The following DIXDC1 variants were observed in gnomAD, a reference collection of about 807,000 sequenced individuals.
DIXDC1 encodes the protein dixin.
A neutral mutation model predicts 103.1 loss-of-function variants in DIXDC1; 64 were observed. The ratio of observed to expected loss-of-function variants is 0.62; its 90% CI spans 0.51 to 0.76. The LOEUF is 0.76. Among genes scored for constraint, DIXDC1 ranks in the 30% least tolerant of loss-of-function variants. DIXDC1 has a pLI of 0.00. For synonymous variants in DIXDC1, 266 were observed against 298.5 expected (o/e 0.89, Z 1.12); for missense variants, 759 against 834.2 (o/e 0.91, Z 1.11).
At chr11:111,972,376 G>A (rs1296238455) in intron 3 of DIXDC1, among the ~76,000 whole-genome samples, 1 of 152,090 alleles carries the variant, frequency 6.6e-6, no homozygotes, top group Non-Finnish European at 1.5e-5. Context: ...CAGCTATTTT[G>A]AGGGAACACT....
intron 3 of DIXDC1, 96 bp from the exon 4 acceptor site, chr11:111,973,927 C>G (rs1438998992): frequency 1.7e-6 from 2 of 1,192,382 alleles, no homozygotes; most frequent in Non-Finnish European, 2.4e-6. Flanking sequence ...TTACCTGTAT[C>G]ACTAGCAATA....
intron 11 of DIXDC1, 93 bp from the exon 12 acceptor site, chr11:111,992,858 A>G: frequency 2.3e-6 from 3 of 1,284,618 alleles, no homozygotes; most frequent in Non-Finnish European, 3.3e-6. Context: ...TGCATACTGT[A>G]ACTGCCAACA....
chr11:111,941,526 T>C (rs782771108), intron 1 of DIXDC1, among the ~76,000 whole-genome samples: 6 of 151,602 alleles, frequency 4.0e-5, no homozygotes, highest in Non-Finnish European at 8.8e-5. Context: ...CTTAGAAATA[T>C]AGGAATAGGC....
At chr11:112,005,088 C>T (rs1484340097) in intron 17 of DIXDC1, among the ~76,000 whole-genome samples, 1 of 152,136 alleles carries the variant, frequency 6.6e-6, no homozygotes, top group Non-Finnish European at 1.5e-5. Context: ...TTTAAAGTAA[C>T]TGATTCATAT....
intron 17 of DIXDC1, among the ~76,000 whole-genome samples, chr11:112,003,651 T>C (rs1224790180): frequency 6.6e-6 from 1 of 150,454 alleles, no homozygotes; most frequent in Non-Finnish European, 1.5e-5. Flanking sequence ...GTACAAAAAT[T>C]AGCCAGGCGT....
chr11:111,959,441 A>C (rs1555170871), intron 1 of DIXDC1, among the ~76,000 whole-genome samples: 1 of 152,222 alleles, frequency 6.6e-6, no homozygotes. Flanking sequence ...CACCTGTGCC[A>C]GTCCCTGGAG....
intron 9 of DIXDC1, among the ~76,000 whole-genome samples, chr11:111,987,988 T>TA (rs1225104887): frequency 2.0e-5 from 3 of 150,996 alleles, no homozygotes; most frequent in Non-Finnish European, 4.4e-5. Context: ...AACTTTTATT[T>TA]ATTTGTTTTG....
chr11:111,950,426 ATATATATATATATTTTTT>A (rs1220147275), intron 1 of DIXDC1, among the ~76,000 whole-genome samples: 12 of 28,866 alleles, frequency 4.2e-4, no homozygotes, highest in African/African-American at 9.2e-4. Flanking sequence ...ATATATATAT[ATATATATATATATTTTTT>A]TTTTTTTTTT....
chr11:112,016,100 G>A (rs1327056859), intron 17 of DIXDC1: 3 of 150,460 alleles, frequency 2.0e-5, no homozygotes, highest in Non-Finnish European at 4.4e-5. Flanking sequence ...GTGAGCCACC[G>A]CGCCCGGCGA....
At chr11:111,951,869 C>CTTTTTT (rs35155467) in intron 1 of DIXDC1, among the ~76,000 whole-genome samples, 2 of 143,312 alleles carry the variant, frequency 1.4e-5, no homozygotes, top group Non-Finnish European at 1.5e-5. Context: ...TCCATTAAAA[C>CTTTTTT]TTTTTTTTTT....
intron 10 of DIXDC1, among the ~76,000 whole-genome samples, chr11:111,990,100 TTTA>T (rs1447725325): frequency 7.1e-6 from 1 of 139,898 alleles, no homozygotes; most frequent in African/African-American, 2.7e-5. Flanking sequence ...TTTTTTTTTT[TTTA>T]ATGTTGACAT....
chr11:111,931,798 A>G (rs1246086947), intron 2 of DIXDC1, among the ~76,000 whole-genome samples: 2 of 152,256 alleles, frequency 1.3e-5, no homozygotes, highest in Non-Finnish European at 2.9e-5. Context: ...GGTCCTTGAT[A>G]GAAATCAGGC....
intron 1 of DIXDC1, among the ~76,000 whole-genome samples, chr11:111,940,121 A>C (rs894322644): frequency 2.0e-4 from 30 of 152,350 alleles, no homozygotes; most frequent in African/African-American, 6.5e-4. Flanking sequence ...AGCAGAGAGA[A>C]ACCCTGCCCT....
rs587595153 is a variant in DIXDC1, at chr11:111,964,647, G to C, written c.159G>C (p.Gly53=). 32 of 1,612,076 alleles carry C rather than the reference G, an allele frequency of 2.0e-5. No homozygotes were observed. Among genetic ancestry groups the C allele is most frequent in the Non-Finnish European group, 2.7e-5 (32 of 1,179,218 alleles). ...ACCTGCGACAAGATCTCCGGGATGG[G>C]GTGATCCTGGCATATCTCATCGAGA... ...VQDLRQDLRD[G]VILAYLIEIV... is the part of the protein sequence containing the mutation. The change falls in exon 2 of 20, where the codon GGG becomes GGC. Residue 53 remains glycine, a synonymous_variant. Transcript: ENST00000440460.
chr11:111,995,012 G>T lies in DIXDC1; in HGVS notation c.1438-7G>T. On this transcript the variant is annotated splice_region_variant and splice_polypyrimidine_tract_variant and intron_variant, in intron 14 of 19. Coordinates refer to ENST00000440460, the MANE Select transcript of DIXDC1 (RefSeq NM_001037954.4). Reference sequence around the variant, plus strand: ...TTAACAAGCAACATTTCTTCATGCTGCTGTAGGCGACCAACTACAACAGTC... The same window carrying T: ...TTAACAAGCAACATTTCTTCATGCTTCTGTAGGCGACCAACTACAACAGTC... The T allele has an allele frequency of 6.2e-7, 1 of 1,612,660 alleles. No individual in the cohort carries two copies.
At chr11:111,975,004 C>T in intron 5 of DIXDC1, 21 bp downstream of exon 5, 1 of 1,602,144 alleles carries the variant, frequency 6.2e-7, no homozygotes, top group South Asian at 1.1e-5. Context: ...CCTCTGAAAC[C>T]TGAATTCTGG....
At chr11:112,014,755 G>A (rs1163217362) in intron 17 of DIXDC1, among the ~76,000 whole-genome samples, 1 of 152,136 alleles carries the variant, frequency 6.6e-6, no homozygotes, top group Non-Finnish European at 1.5e-5. Flanking sequence ...TTGAATGAAT[G>A]AATAAATTAA....
chr11:111,996,575 G>A (rs1860907370), intron 17 of DIXDC1, among the ~76,000 whole-genome samples: 1 of 152,182 alleles, frequency 6.6e-6, no homozygotes, highest in Non-Finnish European at 1.5e-5. Context: ...CTCAGGCCGG[G>A]CGCGGTGGCT....
intron 1 of DIXDC1, among the ~76,000 whole-genome samples, chr11:111,939,320 G>A (rs587643281): frequency 6.6e-6 from 1 of 152,268 alleles, no homozygotes; most frequent in East Asian, 1.9e-4. Context: ...AATATCCCCT[G>A]ACCTCCAATT....
Sources: gnomAD v4.1 joint callset for allele counts (sites outside exome capture counted in the v4.1 genomes callset) on GRCh38, gnomAD v4.1.1 for gene constraint, MANE v1.5 for transcripts, NCBI Gene and HGNC (gene_info 2026-07-23, HGNC 2026-07-21) for gene names.